ESYT2: variants seen among roughly 807,000 people sequenced by gnomAD.
ESYT2 encodes the protein extended synaptotagmin 2, also known as extended synaptotagmin-2.
ESYT2 carries 54 observed loss-of-function variants against 107.2 expected under a neutral mutation model. The observed-to-expected ratio is 0.50, with a 90% CI of 0.40 to 0.63. The LOEUF (loss-of-function observed/expected upper bound fraction) is 0.63. ESYT2 is among the 30% of genes least tolerant of loss of function. The pLI, the probability that ESYT2 is intolerant of heterozygous loss-of-function variation, is 0.00. For missense variants in ESYT2, 1,020 were observed against 1,094.5 expected, an observed-to-expected ratio of 0.93 and a Z score of 0.96; for synonymous variants, 491 against 434.1, an observed-to-expected ratio of 1.13 and a Z score of -1.63.
At position 158,731,364 on chromosome 7, in the gene ESYT2, C is replaced by G. The variant is rs1139135; in HGVS notation, c.*2843G>C. The G allele has an allele frequency of 6.6e-6, 1 of 152,146 alleles. No individual in the cohort carries two copies. Among genetic ancestry groups the G allele is most frequent in the African/African-American group, 2.4e-5 (1 of 41,378 alleles). The allele number at this position is 152,146 out of a possible 1,614,324, so 9.4% of individuals were successfully genotyped here. ...TTGCCCAGGCTGGAGTGCAGTGGTG[C>G]GATCTTGGCTCACTGCAACCTCCGC... On this transcript the variant is annotated 3_prime_UTR_variant, in exon 23 of 23. Transcript: ENST00000275418.
At chr7:158,814,174 T>C (rs1840071373) in intron 1 of ESYT2, among the ~76,000 whole-genome samples, 3 of 151,048 alleles carry the variant, frequency 2.0e-5, no homozygotes. Flanking sequence ...CTCGGAAGGC[T>C]GAGGCAGGAG....
rs758337829 is a variant in ESYT2 at position 158,829,142 on chromosome 7, C to G, written c.277G>C (p.Asp93His). 1 of 1,567,330 alleles carries G rather than the reference C, an allele frequency of 6.4e-7. No individual in the cohort carries two copies. The highest frequency in any genetic ancestry group is 1.8e-5 in the Admixed American group (1 of 55,960). Residue 93 changes from aspartate to histidine, a missense_variant, in exon 1 of 23, where the codon GAC becomes CAC. Transcript: ENST00000275418. ...CCCAGGCGCACGACGCGCTCCTCGT[C>G]TTCCAGCAGCGCCAGCGCGCGGCAC... Reference protein sequence around the residue: ...RLCRALALLEDEERVVRLGVR... With the variant: ...RLCRALALLEHEERVVRLGVR...
At chr7:158,781,764 A>C (rs1052795056) in intron 6 of ESYT2, among the ~76,000 whole-genome samples, 1 of 152,000 alleles carries the variant, frequency 6.6e-6, no homozygotes, top group East Asian at 1.9e-4. Context: ...GAGAGATGTG[A>C]GTGTAAGAAC....
In ESYT2 at chr7:158,743,670, GTC is replaced by G. The variant is rs1372070243; in HGVS notation, c.1651_1652del (p.Asp551ArgfsTer21). 1 of 1,608,304 alleles carries G rather than the reference GTC, an allele frequency of 6.2e-7. No homozygotes were observed. Among genetic ancestry groups the G allele is most frequent in the Non-Finnish European group, 8.5e-7 (1 of 1,178,572 alleles). ...TCCCCAGGGAACACTGGTGCTGCTC[GTC>G]TCTGACCTGCAAAACACAGGGTGGA... Reference protein sequence around the residue: ...KRQDLEVEVRDEQHQCSLGNL... With the variant: ...KRQDLEVEVRXEQHQCSLGNL... On this transcript the variant is annotated frameshift_variant, in exon 17 of 23. Transcript: ENST00000275418. LOFTEE classifies it high-confidence loss of function.
At chr7:158,796,301 T>G (rs1839456053) in intron 3 of ESYT2, among the ~76,000 whole-genome samples, 1 of 151,894 alleles carries the variant, frequency 6.6e-6, no homozygotes, top group Non-Finnish European at 1.5e-5. Context: ...ATCAACTAAA[T>G]GTACTCTTGA....
intron 18 of ESYT2, 108 bp from the exon 19 acceptor site, chr7:158,739,229 G>A: frequency 1.1e-6 from 1 of 924,070 alleles, no homozygotes; most frequent in Non-Finnish European, 1.6e-6. Context: ...TAGACAAAAA[G>A]AAGTCAAATT....
At chr7:158,814,123 A>T (rs1840068620) in intron 1 of ESYT2, among the ~76,000 whole-genome samples, 1 of 151,646 alleles carries the variant, frequency 6.6e-6, no homozygotes, top group Non-Finnish European at 1.5e-5. Flanking sequence ...AAATACAAAA[A>T]ATTAGTCGGG....
In ESYT2 at chr7:158,781,406, GGTGTGA is replaced by G. The variant is rs375685440; in HGVS notation, c.747+6592_747+6597del. Among the ~76,000 whole-genome samples the G allele has an allele frequency of 4.5e-3, 635 of 141,922 alleles. 6 individuals are homozygous for G. Among genetic ancestry groups the G allele is most frequent in the African/African-American group, 0.015 (577 of 39,112 alleles). 93.1% of individuals were successfully genotyped at this position (141,922 alleles called of 152,430 possible). On this transcript the variant is annotated intron_variant, in intron 6 of 22. Transcript: ENST00000275418. ...AACGAGTGTTGAGAACAAAGTGTGA[GGTGTGA>G]GTGTAAGAACGAGTGAGAAGTGTGA...
intron 1 of ESYT2, among the ~76,000 whole-genome samples, chr7:158,821,544 A>G (rs1840285505): frequency 6.6e-6 from 1 of 152,246 alleles, no homozygotes; most frequent in South Asian, 2.1e-4. Context: ...CTGTCTTAAA[A>G]GCACGACAGT....
At chr7:158,800,450 T>C (rs1313500396) in intron 1 of ESYT2, among the ~76,000 whole-genome samples, 1 of 152,058 alleles carries the variant, frequency 6.6e-6, no homozygotes, top group East Asian at 1.9e-4. Flanking sequence ...AGAGCAGTAG[T>C]TCAATCACGG....
chr7:158,801,151 G>A (rs1168357845), intron 1 of ESYT2, among the ~76,000 whole-genome samples: 5 of 152,220 alleles, frequency 3.3e-5, no homozygotes, highest in Admixed American at 6.5e-5. Context: ...ACAGGAGCAC[G>A]GGAGGAGCTG....
Position 158,797,978 on chromosome 7 carries a change from G to C in ESYT2, c.471C>G (p.Ser157Arg), listed in dbSNP as rs776554147. The change falls in exon 3 of 23, where the codon AGC (serine) becomes AGG (arginine). Residue 157 changes from serine to arginine, a missense_variant. Physicochemically the swap from Ser to Arg is moderately radical, Grantham distance 110. Coordinates refer to ENST00000275418, the MANE Select transcript of ESYT2 (RefSeq NM_001367773.1). ...PAVRGANTHLSTFSFTKVDVG... is the reference protein window; with the variant it reads ...PAVRGANTHLRTFSFTKVDVG... ...CGTCGACCTTCGTGAAACTAAAGGT[G>C]CTAAGGTGGGTGTTTGCTCCCCGCA... is the stretch of plus-strand genomic sequence containing the variant. The C allele has an allele frequency of 6.2e-7, 1 of 1,614,112 alleles. No individual in the cohort carries two copies. Among genetic ancestry groups the C allele is most frequent in the Admixed American group, 1.7e-5 (1 of 60,020 alleles).
intron 15 of ESYT2, among the ~76,000 whole-genome samples, chr7:158,748,886 A>G (rs557322856): frequency 6.7e-6 from 1 of 148,958 alleles, no homozygotes; most frequent in South Asian, 2.1e-4. Context: ...TGCCCAGCTA[A>G]TTTTTTTTCT....
chr7:158,760,010 A>G (rs1310089071), intron 12 of ESYT2, 48 bp downstream of exon 12: 2 of 1,546,076 alleles, frequency 1.3e-6, no homozygotes, highest in Non-Finnish European at 1.8e-6. Flanking sequence ...CTCAGTTATG[A>G]GGAGTAGTTG....
intron 17 of ESYT2, 84 bp from the exon 18 acceptor site, chr7:158,741,980 T>A (rs577155790): frequency 6.1e-5 from 88 of 1,433,884 alleles, no homozygotes; most frequent in South Asian, 4.0e-4. Flanking sequence ...TGTCTTTACC[T>A]GCAAAAATTT....
intron 3 of ESYT2, among the ~76,000 whole-genome samples, chr7:158,795,540 A>G (rs1056481501): frequency 6.6e-6 from 1 of 152,208 alleles, no homozygotes; most frequent in African/African-American, 2.4e-5. Context: ...AAAGGGCTGT[A>G]GAAGAAGGGA....
chr7:158,778,102 A>T (rs1309554907), intron 6 of ESYT2, among the ~76,000 whole-genome samples: 1 of 152,224 alleles, frequency 6.6e-6, no homozygotes, highest in African/African-American at 2.4e-5. Context: ...TTGTTACTTT[A>T]AGAAAAAAAC....
rs924694003 is a variant in ESYT2 at position 158,733,188 on chromosome 7, C to T, written c.*1019G>A. 1.3e-5 allele frequency: 2 copies of T among 152,186 alleles called. No homozygotes were observed. The highest frequency in any genetic ancestry group is 4.8e-5 in the African/African-American group (2 of 41,438). The allele number at this position is 152,186 out of a possible 1,614,324, so 9.4% of individuals were successfully genotyped here. On this transcript the variant is annotated 3_prime_UTR_variant, in exon 23 of 23. Coordinates refer to ENST00000275418, the MANE Select transcript of ESYT2 (RefSeq NM_001367773.1). ...TATGTGTGAGGTCACACTGGGGGTTCCTGACAATAATGAGATCGAGCTTTC... is the reference window on the plus strand; with the variant it reads ...TATGTGTGAGGTCACACTGGGGGTTTCTGACAATAATGAGATCGAGCTTTC...
intron 6 of ESYT2, among the ~76,000 whole-genome samples, chr7:158,776,437 G>T (rs910091165): frequency 6.6e-6 from 1 of 152,200 alleles, no homozygotes; most frequent in Admixed American, 6.5e-5. Flanking sequence ...CTTTATCAAT[G>T]ATCTTAGCTA....
Sources: gnomAD v4.1 joint callset for allele counts (sites outside exome capture counted in the v4.1 genomes callset) on GRCh38, gnomAD v4.1.1 for gene constraint, MANE v1.5 for transcripts, NCBI Gene and HGNC (gene_info 2026-07-23, HGNC 2026-07-21) for gene names.